The following HLTF variants were observed in gnomAD, a reference collection of about 807,000 sequenced individuals.
The protein encoded by HLTF is helicase like transcription factor.
HLTF carries 127 observed loss-of-function variants against 129.4 expected under a neutral mutation model. That is an observed-to-expected ratio of 0.98 (90% confidence interval 0.85 to 1.14). The LOEUF (loss-of-function observed/expected upper bound fraction) is 1.14. HLTF is among the 50% of genes most tolerant of loss of function. The pLI, the probability that HLTF is intolerant of heterozygous loss-of-function variation, is 0.00. For synonymous variants in HLTF, 332 were observed against 388.8 expected (o/e 0.85, Z 1.72); for missense variants, 1,139 against 1,187.1 (o/e 0.96, Z 0.60).
intron 13 of HLTF, among the ~76,000 whole-genome samples, chr3:149,057,401 G>A (rs1435805463): frequency 6.6e-6 from 1 of 152,130 alleles, no homozygotes; most frequent in Non-Finnish European, 1.5e-5. Context: ...ACTCTAGCCT[G>A]GGCGACAGAG....
At chr3:149,048,427 C>G (rs1264025426) in intron 16 of HLTF, among the ~76,000 whole-genome samples, 1 of 152,222 alleles carries the variant, frequency 6.6e-6, no homozygotes, top group African/African-American at 2.4e-5. Context: ...TTCTCCTTAT[C>G]AAGTACATCT....
At chr3:149,043,496 T>C (rs1716292976) in intron 18 of HLTF, among the ~76,000 whole-genome samples, 1 of 125,018 alleles carries the variant, frequency 8.0e-6, no homozygotes, top group Non-Finnish European at 1.6e-5. Flanking sequence ...ATTTAAATAA[T>C]ATCACATGTC....
At chr3:149,059,104 TA>T (rs1306878049) in intron 13 of HLTF, among the ~76,000 whole-genome samples, 1 of 152,182 alleles carries the variant, frequency 6.6e-6, no homozygotes, top group African/African-American at 2.4e-5. Context: ...TCTCATTATT[TA>T]AAATTATATT....
chr3:149,042,191 A>G lies in HLTF; in HGVS notation c.2172T>C (p.Asn724=), dbSNP rs748071776. 1.2e-6 allele frequency: 2 copies of G among 1,613,390 alleles called. No homozygotes were observed. Among genetic ancestry groups the G allele is most frequent in the Admixed American group, 1.7e-5 (1 of 60,008 alleles). ...QICCHTYLLT[N]AVSSNGPSGN... is the part of the protein sequence containing the mutation. ...CTGAGGGGCCATTGGAAGACACTGC[A>G]TTTGTAAGAAGGTAAGTATGGCAAC... is the stretch of plus-strand genomic sequence containing the variant. Residue 724 remains asparagine, a synonymous_variant, in exon 19 of 25, where the codon AAT becomes AAC. Transcript: ENST00000310053.
At chr3:149,074,743 C>T (rs1719199583) in intron 3 of HLTF, among the ~76,000 whole-genome samples, 1 of 151,988 alleles carries the variant, frequency 6.6e-6, no homozygotes, top group African/African-American at 2.4e-5. Context: ...AAGTTATTCT[C>T]AATAACTGAA....
intron 14 of HLTF, among the ~76,000 whole-genome samples, chr3:149,052,495 A>AT (rs1717080141): frequency 2.6e-5 from 4 of 152,180 alleles, no homozygotes. Flanking sequence ...AGCTTACAAA[A>AT]TAAGACATAA....
intron 19 of HLTF, 64 bp downstream of exon 19, chr3:149,042,102 T>C: frequency 6.8e-7 from 1 of 1,469,742 alleles, no homozygotes; most frequent in Non-Finnish European, 9.4e-7. Context: ...ATAAAAAAAA[T>C]TTATCACTCT....
chr3:149,038,967 G>A (rs1236059333), intron 23 of HLTF, 82 bp downstream of exon 23: 3 of 743,398 alleles, frequency 4.0e-6, no homozygotes, highest in East Asian at 5.6e-5. Flanking sequence ...TTATAACTAT[G>A]AAGGTATTTA....
chr3:149,084,139 T>A (rs375503267), intron 2 of HLTF, among the ~76,000 whole-genome samples: 21 of 152,042 alleles, frequency 1.4e-4, no homozygotes, highest in African/African-American at 5.1e-4. Flanking sequence ...TATGAAAATA[T>A]AAAAACTTAG....
chr3:149,056,269 G>A (rs371728757), intron 13 of HLTF, among the ~76,000 whole-genome samples: 3 of 152,112 alleles, frequency 2.0e-5, no homozygotes, highest in Admixed American at 1.3e-4. Context: ...CACAGTAATA[G>A]GTAACTAATA....
chr3:149,060,077 C>A (rs1717794065), intron 12 of HLTF, among the ~76,000 whole-genome samples: 1 of 152,044 alleles, frequency 6.6e-6, no homozygotes, highest in African/African-American at 2.4e-5. Flanking sequence ...ATTCGGCTCT[C>A]AGGTGGAAGG....
At chr3:149,040,234 A>G (rs1474592446) in intron 20 of HLTF, 78 bp from the exon 21 acceptor site, 1 of 1,280,376 alleles carries the variant, frequency 7.8e-7, no homozygotes, top group African/African-American at 1.5e-5. Context: ...TTTTAAATGT[A>G]TGCTAAAATC....
rs944669370 is a variant in HLTF at position 149,041,923 on chromosome 3, G to T, written c.2197+243C>A. On this transcript the variant is annotated intron_variant, in intron 19 of 24. Transcript: ENST00000310053. ...ACATACCACCACACAATAAAAGGCA[G>T]ATCCAATATGAATCTTTCATCAAAG... The T allele has an allele frequency of 5.2e-6, 3 of 576,270 alleles. No homozygotes were observed. The African/African-American group carries it at 5.6e-5, about 11-fold the overall frequency. 35.7% of individuals were successfully genotyped at this position (576,270 alleles called of 1,614,324 possible).
At chr3:149,076,145 T>C in intron 2 of HLTF, 98 bp from the exon 3 acceptor site, 1 of 508,044 alleles carries the variant, frequency 2.0e-6, no homozygotes, top group South Asian at 3.7e-5. Context: ...TTAATGCTAC[T>C]GCTAAACACT....
chr3:149,086,236 G>A (rs1406327866), intron 1 of HLTF, 81 bp downstream of exon 1: 1 of 1,413,730 alleles, frequency 7.1e-7, no homozygotes, highest in African/African-American at 1.4e-5. Context: ...GGAACGCAGA[G>A]GAACGCGGGG....
Position 149,048,125 on chromosome 3 carries a change from G to C in HLTF, c.1795C>G (p.Leu599Val), listed in dbSNP as rs1441258648. The change falls in exon 17 of 25, where the codon CTT becomes GTT. Residue 599 changes from leucine (L) to valine (V), a missense_variant. Leu to Val is a conservative substitution (Grantham distance 32). Transcript: ENST00000310053. ...IQNSLKDLWS[L>V]LSFLKLKPFI... ...GGTTTAAGTTTTAAAAAGGAAAGAA[G>C]AGACCACAAGTCCTTTAAAGAATTC... 1 of 1,612,152 alleles carries C rather than the reference G, an allele frequency of 6.2e-7. No homozygotes were observed. The highest frequency in any genetic ancestry group is 8.5e-7 in the Non-Finnish European group (1 of 1,179,082).
Position 149,046,069 on chromosome 3 carries a change from T to C in HLTF, c.2072+11A>G. The C allele has an allele frequency of 6.3e-7, 1 of 1,579,890 alleles. No individual in the cohort carries two copies. The highest frequency in any genetic ancestry group is 1.2e-5 in the South Asian group (1 of 84,368). On this transcript the variant is annotated intron_variant, in intron 18 of 24. Transcript: ENST00000310053. ...AAAACTAATTTTTAACATGGTTTTC[T>C]TTCTCCATACCTTCCAATAGTGGCT...
intron 21 of HLTF, 22 bp from the exon 22 acceptor site, chr3:149,039,715 C>A (rs1296087387): frequency 1.7e-6 from 2 of 1,157,056 alleles, no homozygotes; most frequent in South Asian, 2.9e-5. Flanking sequence ...ATTAAGATGT[C>A]CATTAGATTC....
Position 149,039,238 on chromosome 3 carries a change from G to A in HLTF, c.2616-9C>T. 4 of 1,499,896 alleles carry A rather than the reference G, an allele frequency of 2.7e-6. No individual in the cohort carries two copies. The highest frequency in any genetic ancestry group is 3.6e-6 in the Non-Finnish European group (4 of 1,123,290). 92.9% of individuals were successfully genotyped at this position (1,499,896 alleles called of 1,614,324 possible). A position where few individuals can be genotyped will look rare whatever the true frequency, so the allele number is the denominator to read the frequency against. ...ACACAAATCCAGAGGCTCTAAAGGG[G>A]GGAAGAAAAGAGACAAGTAACAAAC... On this transcript the variant is annotated splice_polypyrimidine_tract_variant and intron_variant, in intron 22 of 24. Coordinates refer to ENST00000310053, the MANE Select transcript of HLTF (RefSeq NM_003071.4).
Sources: allele counts gnomAD v4.1 joint callset (sites outside exome capture counted in the v4.1 genomes callset), GRCh38; gene constraint gnomAD v4.1.1; transcripts MANE v1.5; gene names NCBI Gene and HGNC (gene_info 2026-07-23, HGNC 2026-07-21).